Variants in COL12A1 observed in about 807,000 individuals in gnomAD.
The protein encoded by COL12A1 is collagen type XII alpha 1 chain.
Under a neutral mutation model 349.7 loss-of-function variants are expected in COL12A1, and 114 were observed. The observed-to-expected ratio is 0.33, with a 90% confidence interval of 0.28 to 0.38. The LOEUF is 0.38. COL12A1 is among the 10% of genes least tolerant of loss of function. The pLI, the probability that COL12A1 is intolerant of heterozygous loss-of-function variation, is 1.00. For missense variants in COL12A1, 3,284 were observed against 3,756.9 expected (o/e 0.87, Z 3.29); for synonymous variants, 1,369 against 1,329.0 (o/e 1.03, Z -0.66).
chr6:75,101,971 TG>T, intron 57 of COL12A1, 27 bp downstream of exon 57: 1 of 1,613,302 alleles, frequency 6.2e-7, no homozygotes, highest in Non-Finnish European at 8.5e-7. Flanking sequence ...AAATAGCACA[TG>T]ACAGGGCAAC....
At chr6:75,193,685 C>T (rs552535496) in intron 3 of COL12A1, among the ~76,000 whole-genome samples, 27 of 152,182 alleles carry the variant, frequency 1.8e-4, no homozygotes, top group Middle Eastern at 3.4e-3. Context: ...CACCCATTAA[C>T]TCTTTACATT....
At chr6:75,183,771 C>A in intron 9 of COL12A1, 83 bp downstream of exon 9, 1 of 1,551,812 alleles carries the variant, frequency 6.4e-7, no homozygotes, top group South Asian at 1.3e-5. Context: ...ATATTTCATT[C>A]AAAACTAAGT....
intron 34 of COL12A1, among the ~76,000 whole-genome samples, chr6:75,132,349 G>A (rs182984968): frequency 3.3e-5 from 5 of 152,294 alleles, no homozygotes; most frequent in Admixed American, 3.3e-4. Flanking sequence ...TGGCCATAAA[G>A]GGTCATGGGA....
At chr6:75,166,712 T>C (rs1385782697) in intron 13 of COL12A1, among the ~76,000 whole-genome samples, 2 of 152,174 alleles carry the variant, frequency 1.3e-5, no homozygotes, top group African/African-American at 2.4e-5. Context: ...TGTATATTCA[T>C]GCAAATGATA....
In COL12A1 at chr6:75,133,971, T is replaced by C. The variant is rs751078906; in HGVS notation, c.5551A>G (p.Arg1851Gly). The change falls in exon 33 of 66, where the codon AGA becomes GGA. Residue 1851 changes from arginine to glycine, a missense_variant. Physicochemically the swap from Arg to Gly is moderately radical, Grantham distance 125. Around this residue, in one of 2 missense-constraint regions of COL12A1, gnomAD observed 2,601 missense variants for 2,824.8 expected, o/e 0.92. Transcript: ENST00000322507. ...TKPLNTVRNL[R>G]VYDPSTSTLN... is the part of the protein sequence containing the mutation. ...GTGCTGGTAGAAGGGTCATACACTC[T>C]CAGGTTCCTTACAGTGTTTAGAGGT... The C allele has an allele frequency of 1.2e-6, 2 of 1,613,942 alleles. No homozygotes were observed. Among genetic ancestry groups the C allele is most frequent in the Non-Finnish European group, 1.7e-6 (2 of 1,179,944 alleles).
chr6:75,154,272 T>G (rs1767640257), intron 17 of COL12A1, 144 bp downstream of exon 17: 21 of 935,974 alleles, frequency 2.2e-5, no homozygotes, highest in Non-Finnish European at 2.8e-5. Context: ...TTTGAAGAAT[T>G]TTTTTGCTAA....
chr6:75,116,995 C>T (rs1225184688), intron 47 of COL12A1, among the ~76,000 whole-genome samples: 1 of 152,116 alleles, frequency 6.6e-6, no homozygotes, highest in African/African-American at 2.4e-5. Context: ...TTCTTCATTG[C>T]TCTCTTGAAG....
intron 59 of COL12A1, among the ~76,000 whole-genome samples, chr6:75,096,362 CTT>C (rs1159281458): frequency 2.0e-5 from 3 of 152,132 alleles, no homozygotes; most frequent in Non-Finnish European, 4.4e-5. Flanking sequence ...AACATATGCT[CTT>C]GAGTATCCTG....
intron 2 of COL12A1, among the ~76,000 whole-genome samples, chr6:75,197,031 A>T (rs1405172722): frequency 1.3e-5 from 2 of 152,192 alleles, no homozygotes. Context: ...CATGGGTACA[A>T]CAGAGAGCCC....
intron 2 of COL12A1, among the ~76,000 whole-genome samples, chr6:75,202,101 C>A (rs1157458396): frequency 6.6e-6 from 1 of 152,200 alleles, no homozygotes; most frequent in Non-Finnish European, 1.5e-5. Flanking sequence ...ACAGGGACAG[C>A]CGCGACCCTA....
chr6:75,135,421 T>C (rs1449783626), intron 31 of COL12A1, among the ~76,000 whole-genome samples: 1 of 152,114 alleles, frequency 6.6e-6, no homozygotes, highest in Non-Finnish European at 1.5e-5. Flanking sequence ...CAATCAGGGG[T>C]TTCCAGTTGT....
At position 75,125,128 on chromosome 6, in the gene COL12A1, T is replaced by C; in HGVS notation, c.6606A>G (p.Thr2202=). The C allele has an allele frequency of 1.3e-6, 2 of 1,593,652 alleles. No individual in the cohort carries two copies. The highest frequency in any genetic ancestry group is 2.3e-5 in the South Asian group (2 of 85,986). ...LSVPLTDQGT[T]LYLNVTDLKT... The stretch of plus-strand genomic sequence containing the variant: ...ACCATGAAAATATCCATGACTCACA[T>C]GTAGTGCCTTGATCTGTCAAGGGGA... The change falls in exon 40 of 66, where the codon ACA becomes ACG. Residue 2202 remains threonine, a splice_region_variant and synonymous_variant. Transcript: ENST00000322507.
At chr6:75,102,566 C>T (rs1403868707) in intron 56 of COL12A1, 31 bp downstream of exon 56, 1 of 1,415,794 alleles carries the variant, frequency 7.1e-7, no homozygotes. Context: ...ATCCACCACT[C>T]TCATTTAATA....
chr6:75,173,437 T>C (rs1768748106), intron 13 of COL12A1, among the ~76,000 whole-genome samples: 1 of 152,040 alleles, frequency 6.6e-6, no homozygotes, highest in Admixed American at 6.6e-5. Context: ...AGTGCAATGG[T>C]GCAATCTCGG....
chr6:75,140,666 A>AAAAAAAAAAAAAAAC (rs1193519596), intron 27 of COL12A1, among the ~76,000 whole-genome samples: 1 of 151,364 alleles, frequency 6.6e-6, no homozygotes, highest in African/African-American at 2.4e-5. Flanking sequence ...AAAAAAAAAA[A>AAAAAAAAAAAAAAAC]AAAAAAAAAA....
chr6:75,095,030 A>T, intron 60 of COL12A1, 78 bp downstream of exon 60: 3 of 1,309,948 alleles, frequency 2.3e-6, no homozygotes, highest in Non-Finnish European at 3.3e-6. Flanking sequence ...TAACCTAAAT[A>T]TAACAAAGCT....
At chr6:75,164,611 G>T (rs1562257735) in intron 14 of COL12A1, among the ~76,000 whole-genome samples, 1 of 152,166 alleles carries the variant, frequency 6.6e-6, no homozygotes, top group Non-Finnish European at 1.5e-5. Context: ...TACAGAGATT[G>T]AGCAGAAGGT....
chr6:75,088,538 G>GT (rs2149324317), intron 64 of COL12A1, among the ~76,000 whole-genome samples: 1 of 151,528 alleles, frequency 6.6e-6, no homozygotes, highest in East Asian at 2.0e-4. Context: ...AGGGGAAATA[G>GT]TAACCCTTTG....
In COL12A1 at chr6:75,116,033, C is replaced by T. The variant is rs1769059494; in HGVS notation, c.7544G>A (p.Gly2515Asp). The change falls in exon 48 of 66, where the codon GGC (glycine) becomes GAC (aspartate). Residue 2515 changes from glycine (G) to aspartate (D), a missense_variant. By Grantham distance (94) the Gly-to-Asp change is moderately conservative. Coordinates refer to ENST00000322507, the MANE Select transcript of COL12A1 (RefSeq NM_004370.6). The part of the protein sequence containing the change: ...TSSCPLIYLD[G>D]YTSPGFKMLE... ...TAAATGCTTACCTGGTGAGGTGTAG[C>T]CATCCAAATAAATGAGAGGACAACC... 1 of 1,613,168 alleles carries T rather than the reference C, an allele frequency of 6.2e-7. No individual in the cohort carries two copies. The highest frequency in any genetic ancestry group is 1.3e-5 in the African/African-American group (1 of 74,816).
Sources: gnomAD v4.1 joint callset for allele counts (sites outside exome capture counted in the v4.1 genomes callset) on GRCh38, gnomAD v4.1.1 for gene constraint, gnomAD v4.1.1 regional missense constraint, MANE v1.5 for transcripts, NCBI Gene and HGNC (gene_info 2026-07-23, HGNC 2026-07-21) for gene names.